TMEM9B: variants seen among roughly 807,000 people sequenced by gnomAD.
TMEM9B encodes the protein TMEM9 domain family member B.
TMEM9B carries 8 observed loss-of-function variants against 23.5 expected under a neutral mutation model. The observed-to-expected ratio is 0.34, with a 90% CI of 0.20 to 0.61. The LOEUF is 0.61. Ranked by LOEUF, TMEM9B falls within the 20% of genes least tolerant of loss-of-function variation. The probability of loss-of-function intolerance (pLI) is 0.78; values close to 1 mark genes in which losing one functional copy is unlikely to be tolerated. For synonymous variants in TMEM9B, 106 were observed against 96.3 expected (o/e 1.10, Z -0.59); for missense variants, 197 against 252.3 (o/e 0.78, Z 1.49).
At chr11:8,951,995 G>C (rs1436338081) in intron 4 of TMEM9B, among the ~76,000 whole-genome samples, 1 of 151,994 alleles carries the variant, frequency 6.6e-6, no homozygotes, top group Non-Finnish European at 1.5e-5. Context: ...TGTAGAACCA[G>C]CTACCTGGGA....
chr11:8,949,718 A>G (rs1197983224), intron 4 of TMEM9B, among the ~76,000 whole-genome samples: 1 of 152,222 alleles, frequency 6.6e-6, no homozygotes, highest in Non-Finnish European at 1.5e-5. Context: ...GATATCAAAG[A>G]GTTTTTATAA....
At chr11:8,962,209 G>C in intron 1 of TMEM9B, 26 bp from the exon 2 acceptor site, 1 of 1,455,838 alleles carries the variant, frequency 6.9e-7, no homozygotes. Context: ...AAACAGTATA[G>C]TGCGTTGACA....
upstream of TMEM9B, chr11:8,964,464 C>G (rs1854160131): frequency 1.1e-5 from 16 of 1,420,220 alleles, no homozygotes; most frequent in Non-Finnish European, 1.5e-5. Flanking sequence ...CGTCACCGGG[C>G]GCGCCGGGTC....
intron 2 of TMEM9B, among the ~76,000 whole-genome samples, chr11:8,959,421 A>C (rs966997411): frequency 6.6e-6 from 1 of 152,168 alleles, no homozygotes; most frequent in African/African-American, 2.4e-5. Flanking sequence ...AATAAAAAAA[A>C]CAGAAAGGAC....
intron 2 of TMEM9B, among the ~76,000 whole-genome samples, chr11:8,958,975 C>T (rs1007237142): frequency 1.3e-5 from 2 of 152,162 alleles, no homozygotes; most frequent in Admixed American, 6.5e-5. Flanking sequence ...CAACTCTCAC[C>T]ATAAAAGTGT....
intron 2 of TMEM9B, 134 bp downstream of exon 2, chr11:8,961,958 G>T (rs1854091017): frequency 5.0e-6 from 3 of 602,754 alleles, no homozygotes; most frequent in African/African-American, 3.8e-5. Flanking sequence ...TTTTTCAAAT[G>T]GAAGTAGAAT....
At chr11:8,964,503 G>C (rs906675128), upstream of TMEM9B, 6 of 1,404,918 alleles carry the variant, frequency 4.3e-6, no homozygotes, top group African/African-American at 7.5e-5. Context: ...CCCCGGAACC[G>C]GTTACCAGTG....
intron 2 of TMEM9B, among the ~76,000 whole-genome samples, chr11:8,960,684 CTTT>C (rs529733160): frequency 8.5e-5 from 12 of 141,532 alleles, no homozygotes; most frequent in East Asian, 2.1e-4. Flanking sequence ...TTTGAACATT[CTTT>C]TTTTTTTTTT....
intron 2 of TMEM9B, among the ~76,000 whole-genome samples, chr11:8,958,335 G>C (rs1255431947): frequency 6.6e-6 from 1 of 150,696 alleles, no homozygotes; most frequent in Non-Finnish European, 1.5e-5. Context: ...GGTGGCACAT[G>C]CCTGTAATCC....
At position 8,948,549 on chromosome 11, in the gene TMEM9B, C is replaced by T; in HGVS notation, c.442-74G>A. ...AACATAGACACACAACAGTGACCAG[C>T]CCGCCACAGAAATAGGGGTAGGTGG... On this transcript the variant is annotated intron_variant, in intron 4 of 4. Transcript: ENST00000534025. 5 of 1,516,908 alleles carry T rather than the reference C, an allele frequency of 3.3e-6. No individual in the cohort carries two copies. In the South Asian group the frequency reaches 6.4e-5, roughly 19 times the overall value. The allele number at this position is 1,516,908 out of a possible 1,614,324, so 94.0% of individuals were successfully genotyped here. A position where few individuals can be genotyped will look rare whatever the true frequency, so the allele number is the denominator to read the frequency against.
intron 2 of TMEM9B, among the ~76,000 whole-genome samples, chr11:8,961,521 G>GATCC (rs1469398587): frequency 9.9e-5 from 15 of 152,218 alleles, no homozygotes; most frequent in Admixed American, 7.9e-4. Context: ...AGTCAGTCAG[G>GATCC]ATCCCCCAGT....
intron 1 of TMEM9B, chr11:8,963,930 A>G (rs535093907): frequency 2.1e-5 from 10 of 465,968 alleles, no homozygotes; most frequent in African/African-American, 1.0e-4. Context: ...TGGGAAGGGA[A>G]ATGTTAAGGC....
intron 2 of TMEM9B, among the ~76,000 whole-genome samples, chr11:8,958,547 G>T (rs1237349910): frequency 1.3e-5 from 2 of 150,652 alleles, no homozygotes; most frequent in Non-Finnish European, 2.9e-5. Flanking sequence ...AACCAAAACG[G>T]TATATGATAG....
rs1854093171 is a variant in TMEM9B, at chr11:8,962,142, A to G, written c.147T>C (p.Tyr49=). Residue 49 remains tyrosine (Y), a synonymous_variant, in exon 2 of 5, where the codon TAT becomes TAC. Coordinates refer to ENST00000534025, the MANE Select transcript of TMEM9B (RefSeq NM_020644.3). ...TATAAATATGCCCAGAATTTTCTTT[A>G]TAGGGAGGGCAGATACATTTACATC... ...DVRCKCICPP[Y]KENSGHIYNK... is the part of the protein sequence containing the mutation. The G allele has an allele frequency of 1.2e-6, 2 of 1,605,540 alleles. No individual in the cohort carries two copies. Among genetic ancestry groups the G allele is most frequent in the Non-Finnish European group, 8.5e-7 (1 of 1,177,198 alleles).
intron 3 of TMEM9B, among the ~76,000 whole-genome samples, chr11:8,954,771 A>G (rs1358948816): frequency 2.6e-5 from 4 of 152,204 alleles, no homozygotes; most frequent in African/African-American, 9.6e-5. Flanking sequence ...AGGGTCAATC[A>G]CAGCAGAAAT....
At chr11:8,963,771 A>G (rs1235840874) in intron 1 of TMEM9B, among the ~76,000 whole-genome samples, 3 of 152,032 alleles carry the variant, frequency 2.0e-5, no homozygotes, top group African/African-American at 7.2e-5. Flanking sequence ...GCTCTGTCAG[A>G]TGGGGGCTTC....
intron 3 of TMEM9B, among the ~76,000 whole-genome samples, chr11:8,955,934 C>T (rs1403226804): frequency 6.6e-6 from 1 of 152,194 alleles, no homozygotes; most frequent in Non-Finnish European, 1.5e-5. Context: ...GCCTCTGGCA[C>T]ACATGGCCTA....
Position 8,959,413 on chromosome 11 carries a change from T to TA in TMEM9B, c.197+2678dup, listed in dbSNP as rs200912421. 3.1e-4 allele frequency among the ~76,000 whole-genome samples: 47 copies of TA among 151,856 alleles called. No individual in the cohort carries two copies. In the East Asian group the frequency reaches 7.7e-3, roughly 25 times the overall value. On this transcript the variant is annotated intron_variant, in intron 2 of 4. Coordinates refer to ENST00000534025, the MANE Select transcript of TMEM9B (RefSeq NM_020644.3). ...TGATCGTGCCACTGCACTCTAGCAA[T>TA]AAAAAAAACAGAAAGGACCAGAATC...
rs1363799591 is a variant in TMEM9B at position 8,950,139 on chromosome 11, GA to G, written c.442-1665del. Among the ~76,000 whole-genome samples, 199 of 139,636 alleles carry G rather than the reference GA, an allele frequency of 1.4e-3. 1 individual carries two copies. The highest frequency in any genetic ancestry group is 2.4e-3 in the African/African-American group (91 of 38,646). 91.6% of individuals were successfully genotyped at this position (139,636 alleles called of 152,430 possible). On this transcript the variant is annotated intron_variant, in intron 4 of 4. Transcript: ENST00000534025. Reference sequence around the variant, plus strand: ...AAAATGTAAGAAAAAAGCTAAAAAAGAAAAAAAAAAAGGAGGCAGGCTAAAG... The same window carrying G: ...AAAATGTAAGAAAAAAGCTAAAAAAGAAAAAAAAAAGGAGGCAGGCTAAAG...
Sources: allele counts gnomAD v4.1 joint callset (sites outside exome capture counted in the v4.1 genomes callset), GRCh38; gene constraint gnomAD v4.1.1; transcripts MANE v1.5; gene names NCBI Gene and HGNC (gene_info 2026-07-23, HGNC 2026-07-21).